LSM12: variants seen among roughly 807,000 people sequenced by gnomAD.
The protein encoded by LSM12 is protein LSM12.
For missense variants in LSM12, 108 were observed against 238.9 expected (o/e 0.45, Z 3.61); for synonymous variants, 74 against 87.3 (o/e 0.85, Z 0.85).
At chr17:44,044,679 T>C (rs1165104837) in intron 2 of LSM12, among the ~76,000 whole-genome samples, 1 of 152,182 alleles carries the variant, frequency 6.6e-6, no homozygotes, top group African/African-American at 2.4e-5. Flanking sequence ...GGGAGACCGC[T>C]CTCAATAAAA....
chr17:44,064,904 C>T (rs561225763), intron 1 of LSM12, among the ~76,000 whole-genome samples: 10 of 152,140 alleles, frequency 6.6e-5, no homozygotes, highest in Non-Finnish European at 1.5e-4. Context: ...GAGGCCGAGG[C>T]GGGTGGATCA....
At chr17:44,058,243 AAAATAAT>A (rs1249884197) in intron 2 of LSM12, among the ~76,000 whole-genome samples, 4 of 151,336 alleles carry the variant, frequency 2.6e-5, no homozygotes, top group Admixed American at 1.3e-4. Flanking sequence ...TCTCAAAAAA[AAAATAAT>A]AAATAATAAT....
chr17:44,042,262 G>C (rs1299996518), intron 2 of LSM12, among the ~76,000 whole-genome samples: 2 of 151,942 alleles, frequency 1.3e-5, no homozygotes, highest in African/African-American at 4.8e-5. Context: ...ACTCCAGCCT[G>C]GGCGACAGAG....
intron 2 of LSM12, among the ~76,000 whole-genome samples, chr17:44,049,950 G>A (rs2049620802): frequency 6.6e-6 from 1 of 152,306 alleles, no homozygotes. Flanking sequence ...AAACACTGCA[G>A]CTGCTGCCCG....
intron 2 of LSM12, among the ~76,000 whole-genome samples, chr17:44,057,269 C>A (rs1158228591): frequency 6.7e-6 from 1 of 150,180 alleles, no homozygotes; most frequent in Admixed American, 6.6e-5. Context: ...CCTGCCTCAG[C>A]CTCCCAAGTA....
chr17:44,041,435 T>C (rs2049493029), intron 2 of LSM12, among the ~76,000 whole-genome samples: 1 of 151,818 alleles, frequency 6.6e-6, no homozygotes, highest in African/African-American at 2.4e-5. Context: ...TACCACACCT[T>C]CACAGACCAC....
At chr17:44,064,732 CAAAA>C (rs879636307) in intron 1 of LSM12, among the ~76,000 whole-genome samples, 1 of 63,518 alleles carries the variant, frequency 1.6e-5, no homozygotes, top group Admixed American at 1.9e-4. Context: ...GACTCCGTCT[CAAAA>C]AAAAAAAAAA....
intron 2 of LSM12, among the ~76,000 whole-genome samples, chr17:44,041,631 G>A (rs1214829981): frequency 1.3e-5 from 2 of 152,120 alleles, no homozygotes; most frequent in South Asian, 2.1e-4. Context: ...GCCCTCTGGT[G>A]GAACCATCCA....
Position 44,050,376 on chromosome 17 carries a change from T to C in LSM12, c.259-10120A>G, listed in dbSNP as rs1303298973. ...CCACCTGCCTCAGCCTCCCAAAGTG[T>C]TGGGGTTACAGGCATGCGCCACCGC... On this transcript the variant is annotated intron_variant, in intron 2 of 4. Transcript: ENST00000293406. 4.6e-5 allele frequency among the ~76,000 whole-genome samples: 7 copies of C among 151,388 alleles called. No homozygotes were observed. The East Asian group carries it at 1.4e-3, about 30-fold the overall frequency.
chr17:44,042,760 G>C (rs2049511805), intron 2 of LSM12, among the ~76,000 whole-genome samples: 1 of 152,020 alleles, frequency 6.6e-6, no homozygotes, highest in African/African-American at 2.4e-5. Context: ...GTAGAGATGG[G>C]GTTTCACTGT....
intron 2 of LSM12, 104 bp downstream of exon 2, chr17:44,063,697 T>G: frequency 7.8e-7 from 1 of 1,285,892 alleles, no homozygotes; most frequent in East Asian, 2.6e-5. Flanking sequence ...CAATTTTAAG[T>G]CAATTTTAAA....
At chr17:44,048,257 A>G (rs1038517833) in intron 2 of LSM12, among the ~76,000 whole-genome samples, 10 of 151,988 alleles carry the variant, frequency 6.6e-5, no homozygotes, top group African/African-American at 2.4e-4. Flanking sequence ...CAAGGCAGGC[A>G]GATCACTTGA....
At position 44,038,012 on chromosome 17, in the gene LSM12, G is replaced by A. The variant is rs60560571; in HGVS notation, c.369-474C>T. Among the ~76,000 whole-genome samples, 868 of 152,294 alleles carry A rather than the reference G, an allele frequency of 5.7e-3. 7 individuals carry two copies. The highest frequency in any genetic ancestry group is 0.02 in the African/African-American group (814 of 41,566). ...TGAGCAGATGTGGCCTGCTGGCATA[G>A]TTTGTCAACCATTGGCCTAGGGAGA... On this transcript the variant is annotated intron_variant, in intron 3 of 4. Transcript: ENST00000293406.
chr17:44,046,994 T>C (rs1479901987), intron 2 of LSM12, among the ~76,000 whole-genome samples: 2 of 151,774 alleles, frequency 1.3e-5, no homozygotes, highest in Admixed American at 6.6e-5. Context: ...CCTCCCAAAG[T>C]GCTGGGATTA....
At chr17:44,059,673 A>T (rs2049769710) in intron 2 of LSM12, among the ~76,000 whole-genome samples, 1 of 152,200 alleles carries the variant, frequency 6.6e-6, no homozygotes, top group Non-Finnish European at 1.5e-5. Context: ...CGAAAGCAAA[A>T]CAGGCCAATT....
At chr17:44,063,780 G>T (rs1210322900) in intron 2 of LSM12, 21 bp downstream of exon 2, 2 of 1,606,536 alleles carry the variant, frequency 1.2e-6, no homozygotes, top group Non-Finnish European at 8.5e-7. Context: ...TAGAGAGCCA[G>T]ATCTGCCCTT....
At chr17:44,059,664 G>A (rs751816808) in intron 2 of LSM12, among the ~76,000 whole-genome samples, 33 of 152,152 alleles carry the variant, frequency 2.2e-4, no homozygotes, top group Non-Finnish European at 4.7e-4. Context: ...ACTATCATTC[G>A]AAAGCAAAAC....
chr17:44,041,788 T>G (rs1484705793), intron 2 of LSM12, among the ~76,000 whole-genome samples: 1 of 152,218 alleles, frequency 6.6e-6, no homozygotes. Flanking sequence ...GGTACAAATT[T>G]GTTTGAGTGT....
intron 1 of LSM12, 34 bp from the exon 2 acceptor site, chr17:44,063,968 G>T (rs774171321): frequency 6.2e-7 from 1 of 1,607,090 alleles, no homozygotes. Flanking sequence ...GGAAAAATAG[G>T]ACAAGCAGAG....
Sources: gnomAD v4.1 joint callset for allele counts (sites outside exome capture counted in the v4.1 genomes callset) on GRCh38, gnomAD v4.1.1 for gene constraint, MANE v1.5 for transcripts, NCBI Gene and HGNC (gene_info 2026-07-23, HGNC 2026-07-21) for gene names.